ZNF395: variants seen among roughly 807,000 people sequenced by gnomAD.
The protein encoded by ZNF395 is HD gene regulatory region-binding protein 2.
A neutral mutation model predicts 57.7 loss-of-function variants in ZNF395; 20 were observed. That is an observed-to-expected ratio of 0.35 (90% confidence interval 0.24 to 0.50). ZNF395 has a LOEUF of 0.50. Among genes scored for constraint, ZNF395 ranks in the 20% least tolerant of loss-of-function variants. The pLI is 0.97. For synonymous variants in ZNF395, 295 were observed against 275.9 expected (o/e 1.07, Z -0.69); for missense variants, 606 against 671.2 (o/e 0.90, Z 1.07).
At chr8:28,362,218 G>A (rs544542950) in intron 1 of ZNF395, among the ~76,000 whole-genome samples, 34 of 152,308 alleles carry the variant, frequency 2.2e-4, no homozygotes, top group African/African-American at 7.7e-4. Flanking sequence ...AATCTGAACA[G>A]GCCTCTCGAA....
At chr8:28,371,737 C>A (rs921941689) in intron 1 of ZNF395, among the ~76,000 whole-genome samples, 1 of 152,170 alleles carries the variant, frequency 6.6e-6, no homozygotes, top group Admixed American at 6.5e-5. Flanking sequence ...AATGCACAAA[C>A]AGTCAGGGCT....
At chr8:28,384,434 C>A (rs1244680981) in intron 1 of ZNF395, among the ~76,000 whole-genome samples, 1 of 152,212 alleles carries the variant, frequency 6.6e-6, no homozygotes, top group African/African-American at 2.4e-5. Flanking sequence ...GCCCACAACT[C>A]CCTTCTCTGA....
At position 28,351,498 on chromosome 8, in the gene ZNF395, G is replaced by A; in HGVS notation, c.1230C>T (p.Tyr410=). 6.3e-7 allele frequency: 1 copy of A among 1,599,994 alleles called. No homozygotes were observed. Among genetic ancestry groups the A allele is most frequent in the African/African-American group, 1.3e-5 (1 of 74,630 alleles). ...TCCAGCGAGCCCCGCCCCATACCTG[G>A]TATGCATGATCTGCCTGAATGTGCC... ...SFWHIQADHA[Y]QALPSFQIPV... Residue 410 remains tyrosine, a synonymous_variant, in exon 7 of 10, where the codon TAC becomes TAT. Transcript: ENST00000344423.
chr8:28,379,509 A>C (rs1311802058), intron 1 of ZNF395, among the ~76,000 whole-genome samples: 1 of 152,216 alleles, frequency 6.6e-6, no homozygotes, highest in Non-Finnish European at 1.5e-5. Context: ...CTCTGAAAAA[A>C]ATAAAAATAG....
At chr8:28,368,207 C>A (rs542231116) in intron 1 of ZNF395, among the ~76,000 whole-genome samples, 2 of 152,274 alleles carry the variant, frequency 1.3e-5, no homozygotes, top group East Asian at 3.9e-4. Context: ...AGCCGAGTAT[C>A]CCTGGGGAGA....
At chr8:28,369,616 G>C (rs926751240) in intron 1 of ZNF395, among the ~76,000 whole-genome samples, 1 of 152,162 alleles carries the variant, frequency 6.6e-6, no homozygotes, top group Non-Finnish European at 1.5e-5. Context: ...TTTCGGTACC[G>C]GGTCTCTTTC....
At chr8:28,376,791 A>T (rs2129990217) in intron 1 of ZNF395, among the ~76,000 whole-genome samples, 1 of 152,274 alleles carries the variant, frequency 6.6e-6, no homozygotes, top group African/African-American at 2.4e-5. Flanking sequence ...AATGTACAAA[A>T]ATTTTCAACT....
chr8:28,376,434 T>C (rs1055087379), intron 1 of ZNF395, among the ~76,000 whole-genome samples: 1 of 151,976 alleles, frequency 6.6e-6, no homozygotes, highest in South Asian at 2.1e-4. Flanking sequence ...CTGGCCATCA[T>C]GGTGAAACCC....
In ZNF395 at chr8:28,351,549, G is replaced by A. The variant is rs1801683414; in HGVS notation, c.1179C>T (p.Leu393=). The change falls in exon 7 of 10, where the codon CTC becomes CTT. Residue 393 remains leucine (L), a synonymous_variant. Transcript: ENST00000344423. ...AGAAGGACCCAGGAGCTGACTTGCT[G>A]AGAGCCCCTGAGGGCAGGGAGGACT... ...GPESSLPSGA[L]SKSAPGSFWH... The A allele has an allele frequency of 3.1e-6, 5 of 1,613,586 alleles. No homozygotes were observed. The highest frequency in any genetic ancestry group is 4.2e-6 in the Non-Finnish European group (5 of 1,179,770).
chr8:28,361,048 T>G lies in ZNF395; in HGVS notation c.77A>C (p.Glu26Ala). The change falls in exon 2 of 10, where the codon GAG (glutamate) becomes GCG (alanine). Residue 26 changes from glutamate (E) to alanine (A), a missense_variant. Coordinates refer to ENST00000344423, the MANE Select transcript of ZNF395 (RefSeq NM_018660.3). The stretch of plus-strand genomic sequence containing the variant: ...CGAGGGTGGGGCAGCCGAGGGCCCC[T>G]CCGAGGCACTGGGTCCCAACACCCG... ...GARVLGPSAS[E>A]GPSAAPPSEP... The G allele has an allele frequency of 6.2e-7, 1 of 1,611,570 alleles. No homozygotes were observed. Among genetic ancestry groups the G allele is most frequent in the Non-Finnish European group, 8.5e-7 (1 of 1,179,144 alleles).
In ZNF395 at chr8:28,357,614, T is replaced by C. The variant is rs991896035; in HGVS notation, c.474-835A>G. 8.5e-5 allele frequency among the ~76,000 whole-genome samples: 13 copies of C among 152,238 alleles called. No individual in the cohort carries two copies. The East Asian group carries it at 1.9e-3, about 22-fold the overall frequency. On this transcript the variant is annotated intron_variant, in intron 3 of 9. Coordinates refer to ENST00000344423, the MANE Select transcript of ZNF395 (RefSeq NM_018660.3). Reference sequence around the variant, plus strand: ...AGGTCCGCCAAAATATGACTTGGGTTTGAAGCAGCTAAACCAAGACTATTA... The same window carrying C: ...AGGTCCGCCAAAATATGACTTGGGTCTGAAGCAGCTAAACCAAGACTATTA...
In ZNF395 at chr8:28,351,638, G is replaced by A. The variant is rs201188921; in HGVS notation, c.1090C>T (p.Leu364=). 1.2e-6 allele frequency: 2 copies of A among 1,613,496 alleles called. No individual in the cohort carries two copies. Among genetic ancestry groups the A allele is most frequent in the East Asian group, 4.5e-5 (2 of 44,876 alleles). ...TGCAGAGGTGGTGGAAGAGCAGACA[G>A]AGGCAGGCCAGTCATGCTGGGGGTG... The part of the protein sequence containing the change: ...APTPSMTGLP[L]SALPPPLHKA... The change falls in exon 7 of 10, where the codon CTG becomes TTG. Residue 364 remains leucine (L), a synonymous_variant. Coordinates refer to ENST00000344423, the MANE Select transcript of ZNF395 (RefSeq NM_018660.3).
In ZNF395 at chr8:28,345,733, A is replaced by AACTC. The variant is rs1801591392; in HGVS notation, c.*2982_*2985dup. The AACTC allele has an allele frequency of 6.6e-6, 1 of 150,606 alleles. No individual in the cohort carries two copies. The highest frequency in any genetic ancestry group is 2.4e-5 in the African/African-American group (1 of 40,974). 9.3% of individuals were successfully genotyped at this position (150,606 alleles called of 1,614,324 possible). A position where few individuals can be genotyped will look rare whatever the true frequency, so the allele number is the denominator to read the frequency against. On this transcript the variant is annotated 3_prime_UTR_variant, in exon 10 of 10. Coordinates refer to ENST00000344423, the MANE Select transcript of ZNF395 (RefSeq NM_018660.3). ...TGAGGAAAAAGGCGCCAATAAGACAAACTCACAGATGGGATTTATCTCCCT... is the reference window on the plus strand; with the variant it reads ...TGAGGAAAAAGGCGCCAATAAGACAAACTCACTCACAGATGGGATTTATCTCCCT...
In ZNF395 at chr8:28,352,745, G is replaced by A; in HGVS notation, c.820-72C>T. 3.7e-6 allele frequency: 5 copies of A among 1,354,578 alleles called. No individual in the cohort carries two copies. In the South Asian group the frequency reaches 4.8e-5, roughly 13 times the overall value. The allele number at this position is 1,354,578 out of a possible 1,614,324, so 83.9% of individuals were successfully genotyped here. ...CCCTCGCTCAACCTTACCCAGTGGGGACTCAAACTGGCTGCTGTCCCCGGC... is the reference window on the plus strand; with the variant it reads ...CCCTCGCTCAACCTTACCCAGTGGGAACTCAAACTGGCTGCTGTCCCCGGC... On this transcript the variant is annotated intron_variant, in intron 5 of 9. Transcript: ENST00000344423. The surrounding 1 kb of genome is among the most constrained non-coding windows in gnomAD (Gnocchi z 4.0).
rs924120594 is a variant in ZNF395, at chr8:28,346,660, A to T, written c.*2059T>A. The T allele has an allele frequency of 1.3e-5, 2 of 152,206 alleles. No homozygotes were observed. The highest frequency in any genetic ancestry group is 4.8e-5 in the African/African-American group (2 of 41,436). 9.4% of individuals were successfully genotyped at this position (152,206 alleles called of 1,614,324 possible). ...ACGGTCCAAACTGGGGGCGGGGGGA[A>T]TTCAAACAGCTTTCTAAAGACGAGA... On this transcript the variant is annotated 3_prime_UTR_variant, in exon 10 of 10. Coordinates refer to ENST00000344423, the MANE Select transcript of ZNF395 (RefSeq NM_018660.3).
chr8:28,348,518 AT>A lies in ZNF395; in HGVS notation c.*200del. 1 of 570,528 alleles carries A rather than the reference AT, an allele frequency of 1.8e-6. No individual in the cohort carries two copies. The highest frequency in any genetic ancestry group is 2.0e-5 in the South Asian group (1 of 50,060). The allele number at this position is 570,528 out of a possible 1,614,324, so 35.3% of individuals were successfully genotyped here. On this transcript the variant is annotated 3_prime_UTR_variant, in exon 10 of 10. Coordinates refer to ENST00000344423, the MANE Select transcript of ZNF395 (RefSeq NM_018660.3). Reference sequence around the variant, plus strand: ...TCTCTCCTATTTTAGGGGGAAAAATATTTTTGTTTCTTTTTTTTAAAAAATA... The same window carrying A: ...TCTCTCCTATTTTAGGGGGAAAAATATTTTGTTTCTTTTTTTTAAAAAATA...
intron 1 of ZNF395, among the ~76,000 whole-genome samples, chr8:28,381,461 G>A (rs1004422021): frequency 2.8e-4 from 42 of 152,278 alleles, no homozygotes; most frequent in African/African-American, 9.9e-4. Flanking sequence ...GGGATTACAG[G>A]TGTGAGCCAC....
intron 1 of ZNF395, among the ~76,000 whole-genome samples, chr8:28,364,223 G>A (rs1209470923): frequency 1.3e-5 from 2 of 152,210 alleles, no homozygotes; most frequent in Non-Finnish European, 2.9e-5. Flanking sequence ...ATGAACTCAC[G>A]TCTGTCTGGT....
chr8:28,384,063 T>C (rs1802141519), intron 1 of ZNF395, among the ~76,000 whole-genome samples: 1 of 152,180 alleles, frequency 6.6e-6, no homozygotes, highest in Non-Finnish European at 1.5e-5. Context: ...CCCACCTTTT[T>C]CACTTCCAGT....
Sources: gnomAD v4.1 joint callset for allele counts (sites outside exome capture counted in the v4.1 genomes callset) on GRCh38, gnomAD v4.1.1 for gene constraint, Gnocchi (gnomAD v3.1) non-coding constraint, MANE v1.5 for transcripts, NCBI Gene and HGNC (gene_info 2026-07-23, HGNC 2026-07-21) for gene names.